Variants in HTR1F observed in about 807,000 individuals in gnomAD.
The protein encoded by HTR1F is 5-hydroxytryptamine (serotonin) receptor 1F, G protein-coupled.
HTR1F carries 17 observed loss-of-function variants against 24.0 expected under a neutral mutation model. The ratio of observed to expected loss-of-function variants is 0.71; its 90% CI spans 0.48 to 1.06. The LOEUF is 1.06. HTR1F is among the 50% of genes least tolerant of loss of function. The pLI is 0.00. For synonymous variants in HTR1F, 186 were observed against 156.8 expected, an observed-to-expected ratio of 1.19 and a Z score of -1.39; for missense variants, 391 against 427.8, an observed-to-expected ratio of 0.91 and a Z score of 0.76.
At chr3:87,882,112 G>C (rs1170937360) in intron 2 of HTR1F, among the ~76,000 whole-genome samples, 17 of 152,250 alleles carry the variant, frequency 1.1e-4, no homozygotes, top group South Asian at 1.0e-3. Context: ...TGAAAAAATG[G>C]TCACCATCAC....
intron 2 of HTR1F, among the ~76,000 whole-genome samples, chr3:87,826,177 A>T (rs1704458044): frequency 6.6e-6 from 1 of 152,182 alleles, no homozygotes; most frequent in Admixed American, 6.5e-5. Context: ...TCCTGCTATC[A>T]TTTGGGGACC....
At chr3:87,886,592 C>T (rs1001412919) in intron 2 of HTR1F, among the ~76,000 whole-genome samples, 1 of 152,138 alleles carries the variant, frequency 6.6e-6, no homozygotes, top group African/African-American at 2.4e-5. Context: ...TTAGAAAGCC[C>T]CATCGTCTCA....
chr3:87,827,533 T>C (rs1377340226), intron 2 of HTR1F, among the ~76,000 whole-genome samples: 1 of 152,222 alleles, frequency 6.6e-6, no homozygotes, highest in Non-Finnish European at 1.5e-5. Context: ...GCAGTATGTA[T>C]GCTTCTCTCA....
chr3:87,803,090 G>A (rs991340295), intron 1 of HTR1F, among the ~76,000 whole-genome samples: 2 of 152,090 alleles, frequency 1.3e-5, no homozygotes, highest in African/African-American at 4.8e-5. Flanking sequence ...TCTGTTTTGA[G>A]AAAAGGAACC....
rs565019792 is a variant in HTR1F, at chr3:87,844,452, C to T, written c.-43+22328C>T. Among the ~76,000 whole-genome samples the T allele has an allele frequency of 2.6e-3, 348 of 133,502 alleles. 1 individual carries two copies. The highest frequency in any genetic ancestry group is 0.011 in the African/African-American group (316 of 28,590). The allele number at this position is 133,502 out of a possible 152,430, so 87.6% of individuals were successfully genotyped here. Reference sequence around the variant, plus strand: ...AGCCCTTTGTCAGATGAGTAGGTTGCGAAAATTTTCTCCCATTTTGTAGGT... The same window carrying T: ...AGCCCTTTGTCAGATGAGTAGGTTGTGAAAATTTTCTCCCATTTTGTAGGT... On this transcript the variant is annotated intron_variant, in intron 2 of 2. Transcript: ENST00000319595.
At chr3:87,967,842 T>C (rs1705201062) in intron 2 of HTR1F, among the ~76,000 whole-genome samples, 1 of 152,164 alleles carries the variant, frequency 6.6e-6, no homozygotes, top group Non-Finnish European at 1.5e-5. Context: ...GAGAACAGAC[T>C]AATACAGCAA....
intron 2 of HTR1F, among the ~76,000 whole-genome samples, chr3:87,972,092 T>C (rs1705297779): frequency 6.6e-6 from 1 of 152,182 alleles, no homozygotes; most frequent in Admixed American, 6.5e-5. Context: ...TTAAATAATG[T>C]TTGAGTGACT....
chr3:87,954,665 G>A (rs148776286), intron 2 of HTR1F, among the ~76,000 whole-genome samples: 2,819 of 151,660 alleles, frequency 0.019, 53 homozygotes, highest in Non-Finnish European at 0.03. Flanking sequence ...AGAGAAAGTT[G>A]ATAGAGTGTT....
chr3:87,875,449 C>T (rs1471664456), intron 2 of HTR1F, among the ~76,000 whole-genome samples: 1 of 142,372 alleles, frequency 7.0e-6, no homozygotes, highest in East Asian at 2.2e-4. Context: ...GACTCCATCT[C>T]AAAAAAAGAA....
chr3:87,941,805 T>C (rs1704575448), intron 2 of HTR1F, among the ~76,000 whole-genome samples: 1 of 152,154 alleles, frequency 6.6e-6, no homozygotes, highest in African/African-American at 2.4e-5. Flanking sequence ...GGGTTAGGCA[T>C]AGCTGGGTAT....
At chr3:87,832,418 C>T (rs1330820640) in intron 2 of HTR1F, among the ~76,000 whole-genome samples, 1 of 150,962 alleles carries the variant, frequency 6.6e-6, no homozygotes, top group Non-Finnish European at 1.5e-5. Flanking sequence ...ACCTCTTCCT[C>T]CCGGGTTGAA....
In HTR1F at chr3:87,991,013, C is replaced by G. The variant is rs919805692; in HGVS notation, c.264C>G (p.Ser88Arg). The G allele has an allele frequency of 1.2e-6, 2 of 1,614,086 alleles. No homozygotes were observed. The highest frequency in any genetic ancestry group is 2.2e-5 in the East Asian group (1 of 44,880). ...GCATTGTGTATATTGTGAGAGAGAGCTGGATTATGGGGCAAGTGGTCTGTG... is the reference window on the plus strand; with the variant it reads ...GCATTGTGTATATTGTGAGAGAGAGGTGGATTATGGGGCAAGTGGTCTGTG... Reference protein sequence around the residue: ...PFSIVYIVRESWIMGQVVCDI... With the variant: ...PFSIVYIVRERWIMGQVVCDI... Residue 88 changes from serine to arginine, a missense_variant, in exon 3 of 3, where the codon AGC (serine) becomes AGG (arginine). By Grantham distance (110) the Ser-to-Arg change is moderately radical (BLOSUM62 -1). Transcript: ENST00000319595.
intron 2 of HTR1F, among the ~76,000 whole-genome samples, chr3:87,987,260 G>A (rs1410508963): frequency 6.6e-6 from 1 of 152,074 alleles, no homozygotes; most frequent in Non-Finnish European, 1.5e-5. Flanking sequence ...GATATTGGAA[G>A]TAAAGTAGAA....
chr3:87,817,132 T>C (rs1704263742), intron 1 of HTR1F, among the ~76,000 whole-genome samples: 1 of 152,152 alleles, frequency 6.6e-6, no homozygotes, highest in Non-Finnish European at 1.5e-5. Flanking sequence ...AAATGAAATG[T>C]TACTGGATTT....
intron 2 of HTR1F, among the ~76,000 whole-genome samples, chr3:87,943,668 T>C (rs1704626224): frequency 5.3e-5 from 8 of 152,206 alleles, no homozygotes; most frequent in Admixed American, 5.2e-4. Context: ...GCGAGTTGTC[T>C]CTTAATGAAA....
chr3:87,795,492 T>C (rs1169996056), intron 1 of HTR1F, among the ~76,000 whole-genome samples: 1 of 152,188 alleles, frequency 6.6e-6, no homozygotes, highest in East Asian at 1.9e-4. Context: ...TCTCTTTTTT[T>C]TCCAATATGA....
At chr3:87,990,421 T>C (rs544622739) in intron 2 of HTR1F, among the ~76,000 whole-genome samples, 228 of 152,234 alleles carry the variant, frequency 1.5e-3, no homozygotes, top group Non-Finnish European at 1.3e-3. Flanking sequence ...AAACCAATTC[T>C]ATAATGGCAG....
At chr3:87,915,413 A>G (rs1045840198) in intron 2 of HTR1F, among the ~76,000 whole-genome samples, 1 of 152,182 alleles carries the variant, frequency 6.6e-6, no homozygotes, top group Admixed American at 6.6e-5. Context: ...TCAGGGAAGC[A>G]CCAGAGAAAG....
intron 2 of HTR1F, among the ~76,000 whole-genome samples, chr3:87,983,133 C>G (rs1299052230): frequency 6.6e-6 from 1 of 152,030 alleles, no homozygotes; most frequent in Non-Finnish European, 1.5e-5. Flanking sequence ...ACAAGCACAC[C>G]CCTAAGTTGG....
Sources: allele counts gnomAD v4.1 joint callset (sites outside exome capture counted in the v4.1 genomes callset), GRCh38; gene constraint gnomAD v4.1.1; transcripts MANE v1.5; gene names NCBI Gene and HGNC (gene_info 2026-07-23, HGNC 2026-07-21).